KCNIP4: variants seen among roughly 807,000 people sequenced by gnomAD.
The protein encoded by KCNIP4 is potassium voltage-gated channel interacting protein 4.
A neutral mutation model predicts 34.0 loss-of-function variants in KCNIP4; 12 were observed. The ratio of observed to expected loss-of-function variants is 0.35; its 90% confidence interval spans 0.23 to 0.57. The LOEUF (loss-of-function observed/expected upper bound fraction) is 0.57, where lower values mean the gene tolerates loss of function less well. Among genes scored for constraint, KCNIP4 ranks in the 20% least tolerant of loss-of-function variants. KCNIP4 has a pLI of 0.83. For missense variants in KCNIP4, 238 were observed against 311.7 expected, an observed-to-expected ratio of 0.76 and a Z score of 1.78; for synonymous variants, 124 against 102.2, an observed-to-expected ratio of 1.21 and a Z score of -1.29.
chr4:21,908,354 G>C (rs1403346283), intron 1 of KCNIP4, among the ~76,000 whole-genome samples: 2 of 152,012 alleles, frequency 1.3e-5, no homozygotes, highest in African/African-American at 4.8e-5. Context: ...CCCTCCTTCA[G>C]GTCTTGGCTC....
intron 1 of KCNIP4, among the ~76,000 whole-genome samples, chr4:21,713,906 A>G (rs140140577): frequency 5.6e-4 from 85 of 152,250 alleles, no homozygotes; most frequent in African/African-American, 1.9e-3. Context: ...GACTTCAATC[A>G]CTCAAAAAAA....
intron 1 of KCNIP4, among the ~76,000 whole-genome samples, chr4:21,234,392 T>C (rs1291382837): frequency 7.7e-6 from 1 of 130,240 alleles, no homozygotes; most frequent in East Asian, 2.2e-4. Context: ...ATACATAACA[T>C]ATATAATATA....
intron 1 of KCNIP4, among the ~76,000 whole-genome samples, chr4:21,671,492 T>C (rs946070315): frequency 3.3e-5 from 5 of 152,222 alleles, no homozygotes; most frequent in Non-Finnish European, 4.4e-5. Context: ...TTTCCATCCA[T>C]TGGCATTTTT....
intron 1 of KCNIP4, among the ~76,000 whole-genome samples, chr4:21,400,494 C>CTCCTCTCTT (rs1560369030): frequency 2.1e-5 from 2 of 95,062 alleles, no homozygotes; most frequent in African/African-American, 1.3e-4. Flanking sequence ...TCTCCTCTCC[C>CTCCTCTCTT]CTCCCTTCCC....
At chr4:20,831,604 C>A (rs893069538) in intron 3 of KCNIP4, among the ~76,000 whole-genome samples, 7 of 152,134 alleles carry the variant, frequency 4.6e-5, no homozygotes, top group African/African-American at 1.7e-4. Flanking sequence ...TTAGAAAAAT[C>A]TGGTGATTAA....
At chr4:21,173,323 C>CTAAA (rs1754152533) in intron 1 of KCNIP4, among the ~76,000 whole-genome samples, 1 of 152,088 alleles carries the variant, frequency 6.6e-6, no homozygotes, top group Non-Finnish European at 1.5e-5. Flanking sequence ...GATGAGAAGA[C>CTAAA]TAAAGCTCAT....
At chr4:21,370,884 T>TACACACACAC (rs1360484906) in intron 1 of KCNIP4, among the ~76,000 whole-genome samples, 2 of 83,114 alleles carry the variant, frequency 2.4e-5, no homozygotes, top group South Asian at 3.9e-4. Context: ...CACACACACG[T>TACACACACAC]GTGTGTGTGT....
intron 1 of KCNIP4, among the ~76,000 whole-genome samples, chr4:21,156,107 C>G (rs1258175406): frequency 6.6e-6 from 1 of 152,080 alleles, no homozygotes; most frequent in Non-Finnish European, 1.5e-5. Flanking sequence ...TAATAACTCA[C>G]AATTTTTAAG....
chr4:20,856,413 T>C (rs1010282454), intron 2 of KCNIP4, among the ~76,000 whole-genome samples: 2 of 152,196 alleles, frequency 1.3e-5, no homozygotes, highest in Non-Finnish European at 2.9e-5. Flanking sequence ...ATTCCCATAC[T>C]ATGCAAAATT....
intron 1 of KCNIP4, among the ~76,000 whole-genome samples, chr4:21,673,840 T>TGAAGTAAG (rs1749681115): frequency 6.6e-6 from 1 of 152,202 alleles, no homozygotes; most frequent in Non-Finnish European, 1.5e-5. Context: ...AGTACCTTAC[T>TGAAGTAAG]TCATCACTTC....
Position 21,546,503 on chromosome 4 carries a change from G to A in KCNIP4, c.61+402068C>T, listed in dbSNP as rs188568040. 1.1e-3 allele frequency among the ~76,000 whole-genome samples: 161 copies of A among 152,198 alleles called. 2 individuals are homozygous for A. The highest frequency in any genetic ancestry group is 3.7e-3 in the African/African-American group (153 of 41,548). The stretch of plus-strand genomic sequence containing the variant: ...CTAACTTGCCATGAACCGAAAGATT[G>A]TATATTCTTTTTCCTCTCTGATTCA... On this transcript the variant is annotated intron_variant, in intron 1 of 8. Transcript: ENST00000382152.
At chr4:21,209,374 A>G in intron 1 of KCNIP4, among the ~76,000 whole-genome samples, 1 of 151,950 alleles carries the variant, frequency 6.6e-6, no homozygotes, top group East Asian at 1.9e-4. Context: ...GTAATTTTGT[A>G]TCCTTTAGCA....
At chr4:21,519,747 A>G (rs1160352739) in intron 1 of KCNIP4, among the ~76,000 whole-genome samples, 1 of 130,412 alleles carries the variant, frequency 7.7e-6, no homozygotes, top group Non-Finnish European at 1.6e-5. Context: ...TATGATACAC[A>G]CGTGTGTGTA....
chr4:21,406,074 A>T (rs1370177249), intron 1 of KCNIP4, among the ~76,000 whole-genome samples: 1 of 152,192 alleles, frequency 6.6e-6, no homozygotes, highest in East Asian at 1.9e-4. Flanking sequence ...ACCTCAGGTG[A>T]TCCACCCGCC....
intron 1 of KCNIP4, among the ~76,000 whole-genome samples, chr4:21,125,682 C>A (rs1750556916): frequency 6.6e-6 from 1 of 152,096 alleles, no homozygotes; most frequent in African/African-American, 2.4e-5. Flanking sequence ...TAAAGGATGG[C>A]AATGAGACTT....
intron 1 of KCNIP4, among the ~76,000 whole-genome samples, chr4:21,541,542 A>G (rs981122989): frequency 6.6e-6 from 1 of 152,198 alleles, no homozygotes; most frequent in African/African-American, 2.4e-5. Context: ...GAAGTTAACG[A>G]AGCTTAGGCT....
chr4:20,864,397 T>C (rs544946605), intron 2 of KCNIP4, among the ~76,000 whole-genome samples: 4 of 151,202 alleles, frequency 2.6e-5, no homozygotes, highest in African/African-American at 9.7e-5. Flanking sequence ...ACATGTTATA[T>C]ATATATAACA....
chr4:21,702,133 C>T (rs1712905311), intron 1 of KCNIP4, among the ~76,000 whole-genome samples: 1 of 152,176 alleles, frequency 6.6e-6, no homozygotes, highest in African/African-American at 2.4e-5. Context: ...AAACAACAGA[C>T]ATTAATTTCT....
chr4:20,908,850 G>T (rs1006347298), intron 1 of KCNIP4, among the ~76,000 whole-genome samples: 1 of 152,194 alleles, frequency 6.6e-6, no homozygotes, highest in Non-Finnish European at 1.5e-5. Flanking sequence ...TTCTTTGAGA[G>T]GTTAAATGAC....
Sources: allele counts gnomAD v4.1 joint callset (sites outside exome capture counted in the v4.1 genomes callset), GRCh38; gene constraint gnomAD v4.1.1; transcripts MANE v1.5; gene names NCBI Gene and HGNC (gene_info 2026-07-23, HGNC 2026-07-21).